Variants in DNAH14 observed in about 807,000 individuals in gnomAD.
DNAH14 encodes the protein dynein axonemal heavy chain 14.
Under a neutral mutation model 520.9 loss-of-function variants are expected in DNAH14, and 478 were observed. The observed-to-expected ratio is 0.92, with a 90% CI of 0.85 to 0.99. The LOEUF (loss-of-function observed/expected upper bound fraction) is 0.99. DNAH14 is among the 50% of genes least tolerant of loss of function. The pLI, the probability that DNAH14 is intolerant of heterozygous loss-of-function variation, is 0.00. For synonymous variants in DNAH14, 1,581 were observed against 1,757.2 expected, an observed-to-expected ratio of 0.90 and a Z score of 2.51; for missense variants, 4,831 against 5,234.5, an observed-to-expected ratio of 0.92 and a Z score of 2.38.
At chr1:225,082,096 C>G (rs955176827) in intron 19 of DNAH14, among the ~76,000 whole-genome samples, 3 of 151,546 alleles carry the variant, frequency 2.0e-5, no homozygotes, top group Non-Finnish European at 2.9e-5. Context: ...CATAGCAAGA[C>G]CTCATCTTGC....
At chr1:224,963,781 C>T (rs1405932210) in intron 4 of DNAH14, among the ~76,000 whole-genome samples, 1 of 152,086 alleles carries the variant, frequency 6.6e-6, no homozygotes, top group Non-Finnish European at 1.5e-5. Flanking sequence ...TAGAGTCATG[C>T]AAGTGCCTCA....
At chr1:225,157,359 CA>C (rs951813298) in intron 34 of DNAH14, among the ~76,000 whole-genome samples, 19 of 152,070 alleles carry the variant, frequency 1.2e-4, no homozygotes, top group African/African-American at 4.6e-4. Context: ...ATGATGAAGA[CA>C]ATCATAATGG....
At position 224,952,684 on chromosome 1, in the gene DNAH14, G is replaced by C. The variant is rs772087936; in HGVS notation, c.-19G>C. 1.9e-6 allele frequency: 3 copies of C among 1,547,652 alleles called. No homozygotes were observed. In the Admixed American group the frequency reaches 6.4e-5, roughly 33 times the overall value. On this transcript the variant is annotated 5_prime_UTR_variant, in exon 2 of 86. Coordinates refer to ENST00000682510, the MANE Select transcript of DNAH14 (RefSeq NM_001367479.1). ...TTTTGTTACAGCCAGTTCCTTTATA[G>C]TTTTGTTCAGAAAAACATATGGAGA...
chr1:225,250,518 T>C (rs1462573129), intron 43 of DNAH14: 2 of 419,834 alleles, frequency 4.8e-6, no homozygotes, highest in Non-Finnish European at 8.8e-6. Context: ...TGTGGCGTGC[T>C]GTTTTAACCA....
At chr1:225,392,037 C>T (rs186711164) in intron 83 of DNAH14, among the ~76,000 whole-genome samples, 35 of 152,208 alleles carry the variant, frequency 2.3e-4, no homozygotes, top group Admixed American at 1.0e-3. Context: ...ATCCCCACAA[C>T]GAATACAGGA....
intron 66 of DNAH14, among the ~76,000 whole-genome samples, chr1:225,336,779 T>C (rs1313756978): frequency 2.6e-5 from 4 of 152,222 alleles, no homozygotes; most frequent in Non-Finnish European, 4.4e-5. Context: ...GTCAAGTATC[T>C]AACGTCTTTT....
intron 3 of DNAH14, among the ~76,000 whole-genome samples, chr1:224,955,846 G>A (rs1215758039): frequency 1.3e-5 from 2 of 151,948 alleles, no homozygotes; most frequent in East Asian, 3.9e-4. Flanking sequence ...CAACCCAGAA[G>A]CATCTTTAGT....
intron 81 of DNAH14, among the ~76,000 whole-genome samples, chr1:225,387,171 G>T (rs2095850857): frequency 6.6e-6 from 1 of 152,022 alleles, no homozygotes; most frequent in Non-Finnish European, 1.5e-5. Context: ...CTCACTCATA[G>T]GTGGGAACTG....
At chr1:224,965,089 A>G (rs983508069) in intron 5 of DNAH14, among the ~76,000 whole-genome samples, 13 of 152,008 alleles carry the variant, frequency 8.6e-5, no homozygotes, top group African/African-American at 3.1e-4. Flanking sequence ...CTTTCTTCAG[A>G]GAAATTTTAG....
chr1:225,360,034 TC>T (rs1444274680), intron 74 of DNAH14, among the ~76,000 whole-genome samples: 1 of 152,068 alleles, frequency 6.6e-6, no homozygotes. Flanking sequence ...TATGTGTTGT[TC>T]CCCCCACGTT....
Position 224,967,568 on chromosome 1 carries a change from T to C in DNAH14, c.636T>C (p.Ala212=). 1 of 1,602,976 alleles carries C rather than the reference T, an allele frequency of 6.2e-7. No individual in the cohort carries two copies. Among genetic ancestry groups the C allele is most frequent in the Non-Finnish European group, 8.5e-7 (1 of 1,176,460 alleles). The change falls in exon 6 of 86, where the codon GCT becomes GCC. Residue 212 remains alanine, a synonymous_variant. Coordinates refer to ENST00000682510, the MANE Select transcript of DNAH14 (RefSeq NM_001367479.1). The part of the protein sequence containing the change: ...KHCKEFWVIT[A]SFISKVINIV... ...GCAAAGAATTTTGGGTTATTACTGC[T>C]TCATTTATCTCAAAGGTAATGTTTA...
At chr1:225,061,524 C>T (rs2070106977) in intron 17 of DNAH14, among the ~76,000 whole-genome samples, 1 of 152,266 alleles carries the variant, frequency 6.6e-6, no homozygotes, top group Non-Finnish European at 1.5e-5. Flanking sequence ...CACTGTCCTG[C>T]ACCCACTGCT....
intron 58 of DNAH14, 40 bp from the exon 59 acceptor site, chr1:225,307,421 G>T: frequency 7.5e-7 from 1 of 1,341,452 alleles, no homozygotes. Flanking sequence ...GCTAAATTGT[G>T]TTATATCTTA....
In DNAH14 at chr1:225,056,454, C is replaced by T. The variant is rs562991930; in HGVS notation, c.2424+4659C>T. ...AGCCCTTTGTCAGATGAGTAGATTG[C>T]AAAAATTTTCTCCCATTCTGTAGGT... On this transcript the variant is annotated intron_variant, in intron 17 of 85. Transcript: ENST00000682510. Among the ~76,000 whole-genome samples the T allele has an allele frequency of 6.2e-4, 95 of 152,174 alleles. No homozygotes were observed. The East Asian group carries it at 0.017, about 27-fold the overall frequency.
At chr1:225,082,494 G>T in intron 19 of DNAH14, 55 bp from the exon 20 acceptor site, 4 of 1,274,606 alleles carry the variant, frequency 3.1e-6, no homozygotes, top group East Asian at 2.8e-5. Flanking sequence ...CAATTTTTTT[G>T]GTTAAAAAAT....
intron 55 of DNAH14, among the ~76,000 whole-genome samples, chr1:225,290,672 T>G (rs1040791241): frequency 3.1e-5 from 4 of 129,348 alleles, no homozygotes; most frequent in Non-Finnish European, 4.9e-5. Flanking sequence ...TATATATATA[T>G]ATATATATAT....
chr1:225,140,921 A>C lies in DNAH14; in HGVS notation c.4408A>C (p.Ile1470Leu). 1 of 1,551,404 alleles carries C rather than the reference A, an allele frequency of 6.4e-7. No homozygotes were observed. The highest frequency in any genetic ancestry group is 8.7e-7 in the Non-Finnish European group (1 of 1,146,902). Residue 1470 changes from isoleucine to leucine, a missense_variant, in exon 28 of 86, where the codon ATA becomes CTA. Physicochemically the swap from Ile to Leu is conservative, Grantham distance 5. Coordinates refer to ENST00000682510, the MANE Select transcript of DNAH14 (RefSeq NM_001367479.1). ...LDTSNSRTKA[I>L]LGALLILYVH... is the part of the protein sequence containing the mutation. ...TACTAGTAACTCTCGAACAAAAGCT[A>C]TACTAGGGGCATTGCTTATCCTTTA... is the stretch of plus-strand genomic sequence containing the variant.
At chr1:225,016,570 C>T (rs941849389) in intron 10 of DNAH14, among the ~76,000 whole-genome samples, 10 of 152,052 alleles carry the variant, frequency 6.6e-5, no homozygotes, top group Non-Finnish European at 1.2e-4. Context: ...GCTTATTAGA[C>T]CTGGATGTTC....
chr1:225,205,939 C>T (rs1254825103), intron 39 of DNAH14, 32 bp from the exon 40 acceptor site: 1 of 1,492,918 alleles, frequency 6.7e-7, no homozygotes, highest in South Asian at 1.2e-5. Flanking sequence ...GGACATTAGT[C>T]TCAGTTACAT....
Sources: gnomAD v4.1 joint callset for allele counts (sites outside exome capture counted in the v4.1 genomes callset) on GRCh38, gnomAD v4.1.1 for gene constraint, MANE v1.5 for transcripts, NCBI Gene and HGNC (gene_info 2026-07-23, HGNC 2026-07-21) for gene names.